PATJ: variants seen among roughly 807,000 people sequenced by gnomAD.
PATJ encodes inaD-like protein.
In PATJ, 190 loss-of-function variants were observed where a neutral mutation model predicts 224.9. The ratio of observed to expected loss-of-function variants is 0.84; its 90% CI spans 0.75 to 0.95. PATJ has a LOEUF of 0.95. Among genes scored for constraint, PATJ ranks in the 40% least tolerant of loss-of-function variants. PATJ has a pLI of 0.00. For missense variants in PATJ, 2,121 were observed against 2,270.3 expected (o/e 0.93, Z 1.34); for synonymous variants, 769 against 820.3 (o/e 0.94, Z 1.07).
At chr1:61,939,122 C>CAAAAAAAAAAAAAAAAAAAAAAAAAAAAA (rs560139042) in intron 27 of PATJ, among the ~76,000 whole-genome samples, 1 of 57,486 alleles carries the variant, frequency 1.7e-5, no homozygotes, top group Non-Finnish European at 3.1e-5. Flanking sequence ...GACTCCATCT[C>CAAAAAAAAAAAAAAAAAAAAAAAAAAAAA]AAAAAAAAAA....
intron 14 of PATJ, among the ~76,000 whole-genome samples, chr1:61,816,829 AC>A (rs1224779835): frequency 5.9e-5 from 9 of 152,164 alleles, no homozygotes; most frequent in Admixed American, 2.0e-4. Flanking sequence ...AGCAGTGGTT[AC>A]CTAGTAGTGC....
chr1:61,843,010 C>T (rs904279130), intron 17 of PATJ, among the ~76,000 whole-genome samples: 1 of 152,160 alleles, frequency 6.6e-6, no homozygotes, highest in African/African-American at 2.4e-5. Flanking sequence ...GATTTGTGCT[C>T]CTCCACCTTG....
intron 42 of PATJ, among the ~76,000 whole-genome samples, chr1:62,151,064 G>A (rs547835602): frequency 1.1e-4 from 17 of 151,282 alleles, no homozygotes; most frequent in Admixed American, 3.3e-4. Flanking sequence ...ACTTGAACCC[G>A]GGAGGCAGAG....
At chr1:62,048,708 T>A (rs945533277) in intron 30 of PATJ, among the ~76,000 whole-genome samples, 4 of 152,276 alleles carry the variant, frequency 2.6e-5, no homozygotes, top group Admixed American at 2.6e-4. Context: ...GTAGTATTTT[T>A]AATCTGGTAT....
intron 1 of PATJ, among the ~76,000 whole-genome samples, chr1:61,743,111 C>T (rs1644846772): frequency 6.6e-6 from 1 of 152,194 alleles, no homozygotes; most frequent in Non-Finnish European, 1.5e-5. Context: ...GCGACTTGGG[C>T]CCGGCCGCGT....
intron 5 of PATJ, among the ~76,000 whole-genome samples, chr1:61,771,152 C>T (rs188150840): frequency 2.0e-5 from 3 of 152,178 alleles, no homozygotes; most frequent in Non-Finnish European, 4.4e-5. Flanking sequence ...CTTGCAAAAC[C>T]TTGGCGGTGG....
chr1:61,815,410 C>T (rs548604647), intron 14 of PATJ, among the ~76,000 whole-genome samples: 7 of 152,306 alleles, frequency 4.6e-5, no homozygotes, highest in African/African-American at 1.7e-4. Flanking sequence ...AGGTTTTGAG[C>T]AGGGTTTTGT....
intron 31 of PATJ, among the ~76,000 whole-genome samples, chr1:62,068,648 A>G (rs928095392): frequency 1.3e-5 from 2 of 152,212 alleles, no homozygotes. Context: ...TGGGACAGAG[A>G]TCAACCAGCT....
intron 17 of PATJ, among the ~76,000 whole-genome samples, chr1:61,846,901 A>G (rs1557749445): frequency 6.6e-6 from 1 of 152,184 alleles, no homozygotes; most frequent in Non-Finnish European, 1.5e-5. Context: ...ACCCAGCTAC[A>G]ACTAATGTAA....
chr1:62,113,957 G>C, intron 34 of PATJ, 96 bp from the exon 35 acceptor site: 2 of 1,235,678 alleles, frequency 1.6e-6, no homozygotes, highest in Non-Finnish European at 2.3e-6. Flanking sequence ...GAAATTTCTA[G>C]AGATTCTTTA....
rs545379715 is a variant in PATJ, at chr1:62,132,194, G to C, written c.5271+3249G>C. Among the ~76,000 whole-genome samples the C allele has an allele frequency of 2.6e-5, 4 of 152,262 alleles. No homozygotes were observed. The South Asian group carries it at 8.3e-4, about 32-fold the overall frequency. On this transcript the variant is annotated intron_variant, in intron 41 of 43. Coordinates refer to ENST00000642238, the MANE Select transcript of PATJ (RefSeq NM_001350145.3). ...GGGATTTGTGGTGTTTTGGTAGAAGGAAAATGTGAGTTAAATCTTTATCTT... is the reference window on the plus strand; with the variant it reads ...GGGATTTGTGGTGTTTTGGTAGAAGCAAAATGTGAGTTAAATCTTTATCTT...
At chr1:61,977,640 A>G (rs973800496) in intron 27 of PATJ, among the ~76,000 whole-genome samples, 2 of 151,946 alleles carry the variant, frequency 1.3e-5, no homozygotes, top group Admixed American at 1.3e-4. Context: ...TTTTTCTCCC[A>G]GATTCAACCA....
At chr1:62,033,365 T>TA (rs1203025940) in intron 29 of PATJ, among the ~76,000 whole-genome samples, 1 of 152,064 alleles carries the variant, frequency 6.6e-6, no homozygotes, top group Non-Finnish European at 1.5e-5. Context: ...CATGGACTCT[T>TA]AAAAAAGGAT....
chr1:62,048,654 ATT>A (rs1408528012), intron 30 of PATJ, among the ~76,000 whole-genome samples: 1 of 151,948 alleles, frequency 6.6e-6, no homozygotes, highest in Non-Finnish European at 1.5e-5. Context: ...GCAAATGGAT[ATT>A]TTACATATTA....
intron 43 of PATJ, 125 bp downstream of exon 43, chr1:62,153,606 G>A (rs1389692432): frequency 2.0e-6 from 1 of 501,708 alleles, no homozygotes; most frequent in Non-Finnish European, 3.1e-6. Context: ...CATTTCATTT[G>A]AATCTTATAG....
intron 27 of PATJ, among the ~76,000 whole-genome samples, chr1:61,978,793 C>G (rs1345311872): frequency 6.6e-6 from 1 of 151,780 alleles, no homozygotes; most frequent in Non-Finnish European, 1.5e-5. Flanking sequence ...GGAAACAGAC[C>G]AGATAACTAA....
chr1:62,140,239 G>GT (rs1214290208), intron 41 of PATJ, among the ~76,000 whole-genome samples: 2 of 152,072 alleles, frequency 1.3e-5, no homozygotes, highest in Non-Finnish European at 2.9e-5. Flanking sequence ...AGTATTATCA[G>GT]TTTTTTTCAT....
At chr1:61,799,014 G>A (rs1167975341) in intron 11 of PATJ, among the ~76,000 whole-genome samples, 1 of 152,004 alleles carries the variant, frequency 6.6e-6, no homozygotes, top group African/African-American at 2.4e-5. Context: ...GGAAGCCTTT[G>A]CTTTCAGCCG....
chr1:62,127,892 C>G, intron 39 of PATJ, 80 bp from the exon 40 acceptor site: 1 of 1,473,832 alleles, frequency 6.8e-7, no homozygotes, highest in Non-Finnish European at 9.3e-7. Flanking sequence ...GGATTTTGTT[C>G]CAACAGCTAT....
Sources: allele counts gnomAD v4.1 joint callset (sites outside exome capture counted in the v4.1 genomes callset), GRCh38; gene constraint gnomAD v4.1.1; transcripts MANE v1.5; gene names NCBI Gene and HGNC (gene_info 2026-07-23, HGNC 2026-07-21).